Variants in TMPRSS15 observed in about 807,000 individuals in gnomAD.
The protein encoded by TMPRSS15 is enteropeptidase.
A neutral mutation model predicts 125.3 loss-of-function variants in TMPRSS15; 128 were observed. The observed-to-expected ratio is 1.02, with a 90% CI of 0.89 to 1.18. The LOEUF is 1.18. TMPRSS15 is among the 50% of genes most tolerant of loss of function. TMPRSS15 has a pLI of 0.00. For missense variants in TMPRSS15, 1,283 were observed against 1,212.7 expected, an observed-to-expected ratio of 1.06 and a Z score of -0.86; for synonymous variants, 446 against 423.2, an observed-to-expected ratio of 1.05 and a Z score of -0.66.
chr21:18,463,465 G>T, intron 1 of TMPRSS15, among the ~76,000 whole-genome samples: 1 of 151,822 alleles, frequency 6.6e-6, no homozygotes, highest in East Asian at 1.9e-4. Flanking sequence ...AGTTCTCAGA[G>T]ACCTACAAGA....
At chr21:18,463,895 C>T (rs1014670161) in intron 1 of TMPRSS15, among the ~76,000 whole-genome samples, 1 of 151,866 alleles carries the variant, frequency 6.6e-6, no homozygotes, top group Non-Finnish European at 1.5e-5. Context: ...AGTTCTTTGG[C>T]CAGGCGTGGT....
intron 22 of TMPRSS15, 113 bp from the exon 23 acceptor site, chr21:18,279,172 ATT>A (rs35775458): frequency 1.3e-4 from 71 of 554,862 alleles, no homozygotes; most frequent in Non-Finnish European, 1.8e-4. Flanking sequence ...AAAAACATGT[ATT>A]TTTTTTTTTA....
At chr21:18,419,261 T>C (rs1232494322) in intron 1 of TMPRSS15, among the ~76,000 whole-genome samples, 1 of 147,906 alleles carries the variant, frequency 6.8e-6, no homozygotes, top group African/African-American at 2.5e-5. Flanking sequence ...AGTCTCGCTC[T>C]GTTACCCAGG....
intron 5 of TMPRSS15, among the ~76,000 whole-genome samples, chr21:18,374,479 C>CA (rs1165884199): frequency 0.29 from 17,165 of 59,924 alleles, 4,113 homozygotes; most frequent in Admixed American, 0.33. Context: ...GACTCCGTCT[C>CA]AAAAAAAAAA....
chr21:18,377,316 G>C (rs116409926), intron 5 of TMPRSS15, among the ~76,000 whole-genome samples: 11 of 152,064 alleles, frequency 7.2e-5, no homozygotes, highest in African/African-American at 2.7e-4. Flanking sequence ...TAATAATCGT[G>C]TTTTAAATTT....
chr21:18,473,869 G>A (rs1376194029), intron 1 of TMPRSS15, among the ~76,000 whole-genome samples: 12 of 152,094 alleles, frequency 7.9e-5, no homozygotes, highest in Non-Finnish European at 2.9e-5. Flanking sequence ...TTAATGAACA[G>A]GAAAATTCAC....
At chr21:18,377,443 GC>G (rs2075855368) in intron 5 of TMPRSS15, among the ~76,000 whole-genome samples, 1 of 151,952 alleles carries the variant, frequency 6.6e-6, no homozygotes, top group South Asian at 2.1e-4. Flanking sequence ...TGTTCCTCCT[GC>G]TCCTTCTCAG....
At chr21:18,438,031 G>A (rs1001207650) in intron 1 of TMPRSS15, among the ~76,000 whole-genome samples, 2 of 151,620 alleles carry the variant, frequency 1.3e-5, no homozygotes, top group African/African-American at 4.9e-5. Context: ...ACACACGTAT[G>A]TTTACTGAGG....
At chr21:18,317,789 C>T (rs2075183706) in intron 16 of TMPRSS15, among the ~76,000 whole-genome samples, 1 of 123,806 alleles carries the variant, frequency 8.1e-6, no homozygotes, top group African/African-American at 3.1e-5. Flanking sequence ...CATCCCATCC[C>T]ATCCCATCCC....
chr21:18,368,259 G>T (rs1229306288), intron 6 of TMPRSS15, among the ~76,000 whole-genome samples: 2 of 152,138 alleles, frequency 1.3e-5, no homozygotes, highest in Admixed American at 6.5e-5. Context: ...TGTGATTCAT[G>T]ATTTCCAGAA....
intron 1 of TMPRSS15, among the ~76,000 whole-genome samples, chr21:18,439,953 T>C (rs1421564005): frequency 6.6e-6 from 1 of 152,190 alleles, no homozygotes; most frequent in Admixed American, 6.5e-5. Context: ...GGGAAACTTG[T>C]AAAGGTTGTG....
At chr21:18,370,347 T>C (rs1176983649) in intron 6 of TMPRSS15, among the ~76,000 whole-genome samples, 1 of 152,146 alleles carries the variant, frequency 6.6e-6, no homozygotes, top group Admixed American at 6.5e-5. Context: ...TACAGTACAT[T>C]TTTCAATTAT....
intron 7 of TMPRSS15, among the ~76,000 whole-genome samples, chr21:18,361,758 T>C (rs1046370782): frequency 2.6e-5 from 4 of 151,958 alleles, no homozygotes; most frequent in Non-Finnish European, 5.9e-5. Flanking sequence ...AGTAGTGGGG[T>C]TGGTGTTAGT....
chr21:18,359,704 T>C (rs2075660568), intron 8 of TMPRSS15, 53 bp downstream of exon 8: 4 of 880,670 alleles, frequency 4.5e-6, no homozygotes, highest in Non-Finnish European at 7.5e-6. Context: ...ACTCCAAAAA[T>C]TTACCCACAT....
chr21:18,353,970 C>G, intron 8 of TMPRSS15, 107 bp from the exon 9 acceptor site: 1 of 1,034,984 alleles, frequency 9.7e-7, no homozygotes, highest in Non-Finnish European at 1.5e-6. Flanking sequence ...TTGATCTATA[C>G]AAATATCTAT....
intron 1 of TMPRSS15, among the ~76,000 whole-genome samples, chr21:18,424,597 G>A (rs2076198679): frequency 6.6e-6 from 1 of 152,082 alleles, no homozygotes; most frequent in Admixed American, 6.6e-5. Flanking sequence ...GTCCTTGATA[G>A]GTTTAATTCA....
intron 12 of TMPRSS15, 117 bp downstream of exon 12, chr21:18,343,389 G>A (rs561198443): frequency 1.0e-6 from 1 of 977,038 alleles, no homozygotes; most frequent in African/African-American, 1.6e-5. Context: ...TGGGCAAGTA[G>A]AGAAAGTGAC....
intron 13 of TMPRSS15, among the ~76,000 whole-genome samples, chr21:18,338,306 A>G (rs2075413152): frequency 6.6e-6 from 1 of 152,142 alleles, no homozygotes; most frequent in Non-Finnish European, 1.5e-5. Context: ...TTTATTATTT[A>G]TGAATAAATA....
Position 18,360,008 on chromosome 21 carries a change from G to A in TMPRSS15, c.774-145C>T, listed in dbSNP as rs142531840. 241 of 534,376 alleles carry A rather than the reference G, an allele frequency of 4.5e-4. No homozygotes were observed. The East Asian group carries it at 7.1e-3, about 16-fold the overall frequency. 33.1% of individuals were successfully genotyped at this position (534,376 alleles called of 1,614,324 possible). ...CTTAAATTTTTAAGTGTACAGTGCA[G>A]TATTGCCGGTTATGAACACAATGAT... On this transcript the variant is annotated intron_variant, in intron 7 of 24. Transcript: ENST00000284885.
Sources: gnomAD v4.1 joint callset for allele counts (sites outside exome capture counted in the v4.1 genomes callset) on GRCh38, gnomAD v4.1.1 for gene constraint, MANE v1.5 for transcripts, NCBI Gene and HGNC (gene_info 2026-07-23, HGNC 2026-07-21) for gene names.